TNFRSF10D: variants seen among roughly 807,000 people sequenced by gnomAD.
TNFRSF10D encodes the protein tumor necrosis factor receptor superfamily member 10D.
TNFRSF10D carries 28 observed loss-of-function variants against 42.1 expected under a neutral mutation model. The ratio of observed to expected loss-of-function variants is 0.66; its 90% confidence interval spans 0.49 to 0.91. The LOEUF (loss-of-function observed/expected upper bound fraction) is 0.91. Among genes scored for constraint, TNFRSF10D ranks in the 40% least tolerant of loss-of-function variants. The pLI, the probability that TNFRSF10D is intolerant of heterozygous loss-of-function variation, is 0.00. For synonymous variants in TNFRSF10D, 186 were observed against 189.4 expected (o/e 0.98, Z 0.15); for missense variants, 503 against 486.1 (o/e 1.03, Z -0.33).
chr8:23,145,578 G>C, intron 5 of TNFRSF10D, 90 bp downstream of exon 5: 1 of 1,585,756 alleles, frequency 6.3e-7, no homozygotes. Flanking sequence ...TTGGACCAGG[G>C]GCAGGGATGG....
rs994966407 is a variant in TNFRSF10D at position 23,136,592 on chromosome 8, T to G, written c.*1278A>C. The G allele has an allele frequency of 2.0e-5, 3 of 153,544 alleles. No homozygotes were observed. Among genetic ancestry groups the G allele is most frequent in the African/African-American group, 7.2e-5 (3 of 41,440 alleles). The allele number at this position is 153,544 out of a possible 1,614,324, so 9.5% of individuals were successfully genotyped here. A position where few individuals can be genotyped will look rare whatever the true frequency, so the allele number is the denominator to read the frequency against. On this transcript the variant is annotated 3_prime_UTR_variant, in exon 9 of 9. Coordinates refer to ENST00000312584, the MANE Select transcript of TNFRSF10D (RefSeq NM_003840.5). ...AAATGAGGCTCAAGATTCACTAACG[T>G]TCAACTGTAATGGCGCTTGAAAGAG...
chr8:23,156,486 C>A (rs769939384), intron 1 of TNFRSF10D, among the ~76,000 whole-genome samples: 1 of 151,998 alleles, frequency 6.6e-6, no homozygotes, highest in Non-Finnish European at 1.5e-5. Context: ...TAGGTTCAGG[C>A]GATGTCTCTG....
At position 23,145,041 on chromosome 8, in the gene TNFRSF10D, T is replaced by C; in HGVS notation, c.768+17A>G. 6.2e-7 allele frequency: 1 copy of C among 1,614,122 alleles called. No homozygotes were observed. The highest frequency in any genetic ancestry group is 8.5e-7 in the Non-Finnish European group (1 of 1,179,988). ...CTGAACCCACGAAGCCCCCAGTTTC[T>C]GGAGAAACCAACTCACTCTGTGCAC... On this transcript the variant is annotated intron_variant, in intron 6 of 8. Coordinates refer to ENST00000312584, the MANE Select transcript of TNFRSF10D (RefSeq NM_003840.5).
At position 23,145,935 on chromosome 8, in the gene TNFRSF10D, G is replaced by A. The variant is rs759101365; in HGVS notation, c.483-14C>T. ...CCTCTGGGACACCTGGGTACACACAGAGAGGGAGACAGGGACTCTTGATGG... is the reference window on the plus strand; with the variant it reads ...CCTCTGGGACACCTGGGTACACACAAAGAGGGAGACAGGGACTCTTGATGG... On this transcript the variant is annotated splice_polypyrimidine_tract_variant and intron_variant, in intron 4 of 8. Transcript: ENST00000312584. The A allele has an allele frequency of 2.5e-6, 4 of 1,613,978 alleles. No homozygotes were observed. Among genetic ancestry groups the A allele is most frequent in the Non-Finnish European group, 3.4e-6 (4 of 1,180,024 alleles).
At chr8:23,158,322 A>ATC (rs1310356576) in intron 1 of TNFRSF10D, among the ~76,000 whole-genome samples, 1 of 152,180 alleles carries the variant, frequency 6.6e-6, no homozygotes, top group East Asian at 1.9e-4. Flanking sequence ...GGTAACTCGG[A>ATC]TCTCGTCCAC....
chr8:23,156,398 G>C (rs187378790), intron 1 of TNFRSF10D, among the ~76,000 whole-genome samples: 636 of 151,658 alleles, frequency 4.2e-3, no homozygotes, highest in African/African-American at 0.013. Flanking sequence ...TCTTCCACAT[G>C]AAAGCCTGCC....
intron 2 of TNFRSF10D, among the ~76,000 whole-genome samples, chr8:23,154,614 A>T (rs1356321762): frequency 6.6e-6 from 1 of 150,384 alleles, no homozygotes; most frequent in African/African-American, 2.5e-5. Context: ...TGCAACACCC[A>T]CAGATGAGGA....
chr8:23,144,963 TGAG>T (rs1335140251), intron 6 of TNFRSF10D, 92 bp downstream of exon 6: 20 of 1,567,026 alleles, frequency 1.3e-5, no homozygotes, highest in African/African-American at 9.5e-5. Flanking sequence ...AGGGCAGCCA[TGAG>T]GACAAGGGAT....
rs1717092057 is a variant in TNFRSF10D, at chr8:23,137,045, T to G, written c.*825A>C. 1 of 152,172 alleles carries G rather than the reference T, an allele frequency of 6.6e-6. No individual in the cohort carries two copies. Among genetic ancestry groups the G allele is most frequent in the African/African-American group, 2.4e-5 (1 of 41,442 alleles). The allele number at this position is 152,172 out of a possible 1,614,324, so 9.4% of individuals were successfully genotyped here. A position where few individuals can be genotyped will look rare whatever the true frequency, so the allele number is the denominator to read the frequency against. ...ATGTAAACAGCCTAATAAGTGCATT[T>G]CCTAAAGTTTTTCCATGTTTACATC... On this transcript the variant is annotated 3_prime_UTR_variant, in exon 9 of 9. Transcript: ENST00000312584.
chr8:23,154,907 T>G lies in TNFRSF10D; in HGVS notation c.223A>C (p.Arg75=). The change falls in exon 2 of 9, where the codon AGG becomes CGG. Residue 75 remains arginine (R), a synonymous_variant. Coordinates refer to ENST00000312584, the MANE Select transcript of TNFRSF10D (RefSeq NM_003840.5). ...CACTCCTCCTCCTTGAGGCTGCGCC[T>G]CTGTTGCTGTGGGGCCACTGTCTGC... ...PQQTVAPQQQ[R]RSLKEEECPA... is the part of the protein sequence containing the mutation. 1 of 1,613,988 alleles carries G rather than the reference T, an allele frequency of 6.2e-7. No homozygotes were observed.
At position 23,136,040 on chromosome 8, in the gene TNFRSF10D, T is replaced by C. The variant is rs186459258; in HGVS notation, c.*1830A>G. 98 of 401,978 alleles carry C rather than the reference T, an allele frequency of 2.4e-4. 1 individual carries two copies. Among genetic ancestry groups the C allele is most frequent in the Admixed American group, 2.3e-3 (83 of 35,740 alleles). 24.9% of individuals were successfully genotyped at this position (401,978 alleles called of 1,614,324 possible). A position where few individuals can be genotyped will look rare whatever the true frequency, so the allele number is the denominator to read the frequency against. The stretch of plus-strand genomic sequence containing the variant: ...CTAAAACTCCATGGACACAACAATC[T>C]GAATGTGCGAACTTCAGGCAGTTCT... On this transcript the variant is annotated 3_prime_UTR_variant, in exon 9 of 9. Transcript: ENST00000312584.
chr8:23,152,326 C>T (rs1800222182), intron 2 of TNFRSF10D, among the ~76,000 whole-genome samples: 1 of 152,088 alleles, frequency 6.6e-6, no homozygotes, highest in Admixed American at 6.6e-5. Flanking sequence ...GTGTGGGGAG[C>T]AAGAGACAGA....
At chr8:23,138,529 T>C (rs752552535) in intron 7 of TNFRSF10D, among the ~76,000 whole-genome samples, 48 of 152,144 alleles carry the variant, frequency 3.2e-4, no homozygotes, top group Non-Finnish European at 5.1e-4. Context: ...GATCAAGACA[T>C]AGAAACTGCC....
intron 1 of TNFRSF10D, among the ~76,000 whole-genome samples, chr8:23,155,524 C>A (rs1389172916): frequency 6.6e-6 from 1 of 151,940 alleles, no homozygotes; most frequent in Non-Finnish European, 1.5e-5. Context: ...TTGAGACCAT[C>A]CTGGTTAACA....
chr8:23,150,302 A>G (rs1055860525), intron 2 of TNFRSF10D, among the ~76,000 whole-genome samples: 3 of 152,172 alleles, frequency 2.0e-5, no homozygotes, highest in African/African-American at 7.2e-5. Context: ...TTCAGCCCTC[A>G]TGGAGCCAGG....
intron 6 of TNFRSF10D, 130 bp from the exon 7 acceptor site, chr8:23,144,765 T>A: frequency 8.6e-7 from 1 of 1,164,502 alleles, no homozygotes; most frequent in Non-Finnish European, 1.2e-6. Flanking sequence ...GCTCAGCACA[T>A]CCAGGACCCC....
intron 2 of TNFRSF10D, among the ~76,000 whole-genome samples, chr8:23,151,078 A>AT (rs1255855105): frequency 5.0e-3 from 756 of 151,832 alleles, no homozygotes; most frequent in African/African-American, 0.016. Context: ...CCCCTAACAG[A>AT]TAAATATGAA....
At chr8:23,159,452 C>G (rs1019467794) in intron 1 of TNFRSF10D, among the ~76,000 whole-genome samples, 9 of 152,188 alleles carry the variant, frequency 5.9e-5, no homozygotes, top group African/African-American at 2.2e-4. Flanking sequence ...AACAGAACCA[C>G]TCAGCTTTTT....
intron 1 of TNFRSF10D, among the ~76,000 whole-genome samples, chr8:23,162,362 A>C (rs1429142547): frequency 6.6e-6 from 1 of 152,220 alleles, no homozygotes; most frequent in Non-Finnish European, 1.5e-5. Flanking sequence ...TGCCTCAGGT[A>C]GGTCCACCCA....
Sources: gnomAD v4.1 joint callset for allele counts (sites outside exome capture counted in the v4.1 genomes callset) on GRCh38, gnomAD v4.1.1 for gene constraint, MANE v1.5 for transcripts, NCBI Gene and HGNC (gene_info 2026-07-23, HGNC 2026-07-21) for gene names.